Variants in AMDHD2 observed in about 807,000 individuals in gnomAD.
AMDHD2 encodes the protein N-acetylglucosamine-6-phosphate deacetylase.
AMDHD2 carries 24 observed loss-of-function variants against 41.8 expected under a neutral mutation model. The observed-to-expected ratio is 0.57, with a 90% CI of 0.42 to 0.81. AMDHD2 has a LOEUF of 0.81. Among genes scored for constraint, AMDHD2 ranks in the 30% least tolerant of loss-of-function variants. The pLI is 0.00. For missense variants in AMDHD2, 540 were observed against 588.5 expected, an observed-to-expected ratio of 0.92 and a Z score of 0.85; for synonymous variants, 332 against 255.5, an observed-to-expected ratio of 1.30 and a Z score of -2.85.
rs760683908 is a variant in AMDHD2, at chr16:2,530,270, C to A, written c.*707C>A. The A allele has an allele frequency of 6.2e-7, 1 of 1,611,968 alleles. No individual in the cohort carries two copies. The highest frequency in any genetic ancestry group is 1.3e-5 in the African/African-American group (1 of 75,018). On this transcript the variant is annotated 3_prime_UTR_variant, in exon 11 of 11. Coordinates refer to ENST00000293971, the MANE Select transcript of AMDHD2 (RefSeq NM_001330449.2). ...ACACATCCCCAGGCCCAGTGCTTGC[C>A]GGCTGTGGTGACCCTGCCTGGTGCT...
At position 2,530,977 on chromosome 16, in the gene AMDHD2, C is replaced by T; in HGVS notation, c.*1414C>T. 6.2e-7 allele frequency: 1 copy of T among 1,613,468 alleles called. No individual in the cohort carries two copies. The highest frequency in any genetic ancestry group is 8.5e-7 in the Non-Finnish European group (1 of 1,179,902). On this transcript the variant is annotated 3_prime_UTR_variant, in exon 11 of 11. Transcript: ENST00000293971. Reference sequence around the variant, plus strand: ...AGAGGAGCTGTCTTGCCAGGGCTCCCAGGCAGGGAGAGGCAGGTGAGGTTC... The same window carrying T: ...AGAGGAGCTGTCTTGCCAGGGCTCCTAGGCAGGGAGAGGCAGGTGAGGTTC...
chr16:2,524,742 C>T (rs192593025), intron 3 of AMDHD2, among the ~76,000 whole-genome samples: 2 of 152,280 alleles, frequency 1.3e-5, no homozygotes, highest in South Asian at 2.1e-4. Flanking sequence ...AAAAACTGTG[C>T]TGGCTGCTTC....
At position 2,523,965 on chromosome 16, in the gene AMDHD2, CTCT is replaced by C. The variant is rs371223085; in HGVS notation, c.360+2848_360+2850del. 1.3e-4 allele frequency among the ~76,000 whole-genome samples: 20 copies of C among 152,338 alleles called. No individual in the cohort carries two copies. In the East Asian group the frequency reaches 3.7e-3, roughly 28 times the overall value. ...AGCACAGGCGTGGGAGGAACTATGG[CTCT>C]TCTTCCTTAGGAAGAGTCTCTGACA... On this transcript the variant is annotated intron_variant, in intron 3 of 10. Coordinates refer to ENST00000293971, the MANE Select transcript of AMDHD2 (RefSeq NM_001330449.2).
chr16:2,529,185 T>TA lies in AMDHD2; in HGVS notation c.1141+90_1141+91insA. The TA allele has an allele frequency of 4.0e-6, 5 of 1,257,230 alleles. No homozygotes were observed. In the South Asian group the frequency reaches 6.3e-5, roughly 16 times the overall value. The allele number at this position is 1,257,230 out of a possible 1,614,324, so 77.9% of individuals were successfully genotyped here. Reference sequence around the variant, plus strand: ...GCGGCCTGGACAGGGCCAGGGAGGGTGGGTCCTCCCTAGCTCCCTCCTCTC... The same window carrying TA: ...GCGGCCTGGACAGGGCCAGGGAGGGTAGGGTCCTCCCTAGCTCCCTCCTCTC... On this transcript the variant is annotated intron_variant, in intron 10 of 10. Coordinates refer to ENST00000293971, the MANE Select transcript of AMDHD2 (RefSeq NM_001330449.2).
In AMDHD2 at chr16:2,528,485, T is replaced by C. The variant is rs1284366565; in HGVS notation, c.896T>C (p.Leu299Ser). The C allele has an allele frequency of 3.1e-6, 5 of 1,612,684 alleles. No individual in the cohort carries two copies. Among genetic ancestry groups the C allele is most frequent in the Non-Finnish European group, 3.4e-6 (4 of 1,179,922 alleles). ...LVLVTDAIPALGLGNGRHTLG... is the reference protein window; with the variant it reads ...LVLVTDAIPASGLGNGRHTLG... ...CTGGTCACCGATGCCATCCCTGCCT[T>C]GGGCCTGGGCAACGGCCGGCACACG... The change falls in exon 8 of 11, where the codon TTG (leucine) becomes TCG (serine). Residue 299 changes from leucine to serine, a missense_variant. Physicochemically the swap from Leu to Ser is moderately radical, Grantham distance 145. Coordinates refer to ENST00000293971, the MANE Select transcript of AMDHD2 (RefSeq NM_001330449.2).
rs1485615174 is a variant in AMDHD2, at chr16:2,529,702, G to A, written c.*139G>A. 1 of 1,486,384 alleles carries A rather than the reference G, an allele frequency of 6.7e-7. No homozygotes were observed. Among genetic ancestry groups the A allele is most frequent in the Non-Finnish European group, 8.9e-7 (1 of 1,118,986 alleles). 92.1% of individuals were successfully genotyped at this position (1,486,384 alleles called of 1,614,324 possible). On this transcript the variant is annotated 3_prime_UTR_variant, in exon 11 of 11. Coordinates refer to ENST00000293971, the MANE Select transcript of AMDHD2 (RefSeq NM_001330449.2). Reference sequence around the variant, plus strand: ...GGCCTGTGCGGCCGCCCTGGAGGCGGTGGCTGGGATAAACGTGCACCCAGC... The same window carrying A: ...GGCCTGTGCGGCCGCCCTGGAGGCGATGGCTGGGATAAACGTGCACCCAGC...
At position 2,520,854 on chromosome 16, in the gene AMDHD2, G is replaced by A; in HGVS notation, c.169G>A (p.Asp57Asn). The change falls in exon 2 of 11, where the codon GAC (aspartate) becomes AAC (asparagine). Residue 57 changes from aspartate to asparagine, a missense_variant. Physicochemically the swap from Asp to Asn is conservative, Grantham distance 23. Coordinates refer to ENST00000293971, the MANE Select transcript of AMDHD2 (RefSeq NM_001330449.2). ...GCGGCGCGTGGCCGACGAGCGGCGG[G>A]ACTGCGGGGGCCGCATCTTGGCTCC... is the stretch of plus-strand genomic sequence containing the variant. ...EERRVADERR[D>N]CGGRILAPGF... The A allele has an allele frequency of 1.9e-6, 3 of 1,611,320 alleles. No homozygotes were observed. The highest frequency in any genetic ancestry group is 2.5e-6 in the Non-Finnish European group (3 of 1,179,114).
chr16:2,530,196 C>T lies in AMDHD2; in HGVS notation c.*633C>T. 4.7e-6 allele frequency: 7 copies of T among 1,498,918 alleles called. No individual in the cohort carries two copies. The South Asian group carries it at 7.8e-5, about 17-fold the overall frequency. 92.9% of individuals were successfully genotyped at this position (1,498,918 alleles called of 1,614,324 possible). A position where few individuals can be genotyped will look rare whatever the true frequency, so the allele number is the denominator to read the frequency against. On this transcript the variant is annotated 3_prime_UTR_variant, in exon 11 of 11. Coordinates refer to ENST00000293971, the MANE Select transcript of AMDHD2 (RefSeq NM_001330449.2). The stretch of plus-strand genomic sequence containing the variant: ...CCCTGGACTGCCTAGCCCTGAGTGC[C>T]ACGGATGACCAGCGTTCTGTTTTCT...
intron 3 of AMDHD2, among the ~76,000 whole-genome samples, chr16:2,521,432 T>G (rs759597037): frequency 1.3e-5 from 2 of 151,930 alleles, no homozygotes; most frequent in Non-Finnish European, 2.9e-5. Flanking sequence ...TCAGAAACCA[T>G]CCCCTTAACC....
chr16:2,529,491 C>T lies in AMDHD2; in HGVS notation c.1158C>T (p.Asp386=), dbSNP rs142291569. ...CTGTCCCAGACTTCGTGGTGCTCGA[C>T]GACTCCCTTCACGTCCAGGCCACCT... is the stretch of plus-strand genomic sequence containing the variant. ...FGADADFVVL[D]DSLHVQATYI... Residue 386 remains aspartate, a synonymous_variant, in exon 11 of 11, where the codon GAC becomes GAT. Coordinates refer to ENST00000293971, the MANE Select transcript of AMDHD2 (RefSeq NM_001330449.2). The T allele has an allele frequency of 3.1e-4, 501 of 1,611,146 alleles. 2 individuals carry two copies. The African/African-American group carries it at 5.7e-3, about 18-fold the overall frequency.
rs1368775323 is a variant in AMDHD2 at position 2,531,128 on chromosome 16, C to G, written c.*1565C>G. On this transcript the variant is annotated 3_prime_UTR_variant, in exon 11 of 11. Coordinates refer to ENST00000293971, the MANE Select transcript of AMDHD2 (RefSeq NM_001330449.2). Reference sequence around the variant, plus strand: ...GGTCATCCCCACCTCAGACGGGACGCCCAGTCCAGAGCTGGTGAGCCCTGG... The same window carrying G: ...GGTCATCCCCACCTCAGACGGGACGGCCAGTCCAGAGCTGGTGAGCCCTGG... 1.8e-5 allele frequency: 28 copies of G among 1,530,804 alleles called. No individual in the cohort carries two copies. Among genetic ancestry groups the G allele is most frequent in the Non-Finnish European group, 2.5e-5 (28 of 1,128,548 alleles). 94.8% of individuals were successfully genotyped at this position (1,530,804 alleles called of 1,614,324 possible).
Position 2,520,989 on chromosome 16 carries a change from TTTGGTGTTGAC to T in AMDHD2, c.229_239del (p.Gly77LeufsTer113). 6.2e-7 allele frequency: 1 copy of T among 1,602,494 alleles called. No individual in the cohort carries two copies. The highest frequency in any genetic ancestry group is 1.3e-5 in the African/African-American group (1 of 74,720). On this transcript the variant is annotated frameshift_variant, in exon 3 of 11. Coordinates refer to ENST00000293971, the MANE Select transcript of AMDHD2 (RefSeq NM_001330449.2). LOFTEE classifies it high-confidence loss of function. ...TTCCTTTTCTGTGGCTGCAGGTGGA[TTTGGTGTTGAC>T]TTCTCTCAAGCCACGGAGGACGTGG...
Position 2,530,596 on chromosome 16 carries a change from G to C in AMDHD2, c.*1033G>C. On this transcript the variant is annotated 3_prime_UTR_variant, in exon 11 of 11. Transcript: ENST00000293971. ...CCCTTGCTTACAGGTGCTGTCCTGGGCACAGGAGGTACGCGCCTGGCTCTG... is the reference window on the plus strand; with the variant it reads ...CCCTTGCTTACAGGTGCTGTCCTGGCCACAGGAGGTACGCGCCTGGCTCTG... 2.5e-6 allele frequency: 4 copies of C among 1,614,178 alleles called. No individual in the cohort carries two copies. Among genetic ancestry groups the C allele is most frequent in the Non-Finnish European group, 3.4e-6 (4 of 1,180,022 alleles).
At chr16:2,524,194 C>T (rs2065975192) in intron 3 of AMDHD2, among the ~76,000 whole-genome samples, 1 of 152,262 alleles carries the variant, frequency 6.6e-6, no homozygotes, top group African/African-American at 2.4e-5. Flanking sequence ...AGGGCCCACT[C>T]ACCCTGGGTG....
At position 2,527,894 on chromosome 16, in the gene AMDHD2, C is replaced by T. The variant is rs1459602408; in HGVS notation, c.537C>T (p.Asp179=). The change falls in exon 5 of 11, where the codon GAC becomes GAT. Residue 179 remains aspartate, a synonymous_variant. Transcript: ENST00000293971. The surrounding 1 kb of genome is among the most constrained non-coding windows in gnomAD (Gnocchi z 6.1). ...QDLLATYGPL[D]NVRIVTLAPE... ...TGCTGGCCACCTACGGGCCCCTGGA[C>T]AATGTCCGCATCGTGACGCTGGCCC... 5 of 1,596,126 alleles carry T rather than the reference C, an allele frequency of 3.1e-6. No homozygotes were observed. Among genetic ancestry groups the T allele is most frequent in the Non-Finnish European group, 3.4e-6 (4 of 1,178,590 alleles).
At position 2,530,062 on chromosome 16, in the gene AMDHD2, G is replaced by T; in HGVS notation, c.*499G>T. 2 of 852,284 alleles carry T rather than the reference G, an allele frequency of 2.3e-6. No individual in the cohort carries two copies. Among genetic ancestry groups the T allele is most frequent in the South Asian group, 3.8e-5 (2 of 52,352 alleles). The allele number at this position is 852,284 out of a possible 1,614,324, so 52.8% of individuals were successfully genotyped here. A position where few individuals can be genotyped will look rare whatever the true frequency, so the allele number is the denominator to read the frequency against. On this transcript the variant is annotated 3_prime_UTR_variant, in exon 11 of 11. Coordinates refer to ENST00000293971, the MANE Select transcript of AMDHD2 (RefSeq NM_001330449.2). ...GGGTTTGCTTTCTGCTCCTGAGTTG[G>T]GGTGTGCAGCGTGGAGCCCACAGCC...
chr16:2,526,334 T>C (rs1004343044), intron 3 of AMDHD2, among the ~76,000 whole-genome samples: 1 of 152,130 alleles, frequency 6.6e-6, no homozygotes, highest in Non-Finnish European at 1.5e-5. Context: ...TGGGCCTGGC[T>C]GGCACCCTGC....
At position 2,520,458 on chromosome 16, in the gene AMDHD2, G is replaced by C; in HGVS notation, c.-1G>C. ...GCCGCTCGCTCCCGACACGGCTCAC[G>C]ATGCGCGGCGAGCAGGGCGCGGCGG... On this transcript the variant is annotated 5_prime_UTR_variant, in exon 1 of 11. Transcript: ENST00000293971. 1 of 1,236,628 alleles carries C rather than the reference G, an allele frequency of 8.1e-7. No homozygotes were observed. Among genetic ancestry groups the C allele is most frequent in the Non-Finnish European group, 1.0e-6 (1 of 983,408 alleles). 76.6% of individuals were successfully genotyped at this position (1,236,628 alleles called of 1,614,324 possible).
At chr16:2,522,084 A>C (rs959410805) in intron 3 of AMDHD2, among the ~76,000 whole-genome samples, 1 of 151,150 alleles carries the variant, frequency 6.6e-6, no homozygotes, top group African/African-American at 2.4e-5. Flanking sequence ...GCGCCCGGCC[A>C]GTTTTTGTTA....
Sources: allele counts gnomAD v4.1 joint callset (sites outside exome capture counted in the v4.1 genomes callset), GRCh38; gene constraint gnomAD v4.1.1; non-coding constraint Gnocchi (gnomAD v3.1); transcripts MANE v1.5; gene names NCBI Gene and HGNC (gene_info 2026-07-23, HGNC 2026-07-21).